The following PSMG4 variants were observed in gnomAD, a reference collection of about 807,000 sequenced individuals.
The protein encoded by PSMG4 is proteasome (prosome, macropain) assembly chaperone 4.
A neutral mutation model predicts 11.0 loss-of-function variants in PSMG4; 10 were observed. The observed-to-expected ratio is 0.91, with a 90% CI of 0.56 to 1.54. The LOEUF is 1.54. Among genes scored for constraint, PSMG4 ranks in the 40% most tolerant of loss-of-function variants. The pLI is 0.00. For synonymous variants in PSMG4, 95 were observed against 71.3 expected, an observed-to-expected ratio of 1.33 and a Z score of -1.68; for missense variants, 198 against 160.9, an observed-to-expected ratio of 1.23 and a Z score of -1.25.
upstream of PSMG4, chr6:3,255,289 G>A (rs148461888): frequency 3.0e-5 from 46 of 1,532,370 alleles, no homozygotes; most frequent in Non-Finnish European, 3.9e-5. Context: ...GTCTATCGGT[G>A]CCCATCCTGG....
chr6:3,258,267 A>G (rs1485850189), upstream of PSMG4, among the ~76,000 whole-genome samples: 1 of 152,216 alleles, frequency 6.6e-6, no homozygotes, highest in Non-Finnish European at 1.5e-5. Context: ...TGCATTTTGC[A>G]GATGAGGAAA....
At chr6:3,262,021 C>T (rs1758010052) in intron 1 of PSMG4, among the ~76,000 whole-genome samples, 1 of 152,208 alleles carries the variant, frequency 6.6e-6, no homozygotes, top group Non-Finnish European at 1.5e-5. Flanking sequence ...AGAGAACAGA[C>T]ACCATGCAAC....
upstream of PSMG4, among the ~76,000 whole-genome samples, chr6:3,257,531 T>A (rs1757806988): frequency 2.0e-5 from 3 of 152,138 alleles, no homozygotes; most frequent in Admixed American, 2.0e-4. Flanking sequence ...GATAAAACAA[T>A]TATGGTGTAG....
upstream of PSMG4, among the ~76,000 whole-genome samples, chr6:3,255,583 A>G (rs1419771087): frequency 2.0e-5 from 3 of 152,206 alleles, no homozygotes; most frequent in Non-Finnish European, 4.4e-5. Context: ...ATGGTTACCC[A>G]GACCCACTGC....
chr6:3,258,874 C>A, upstream of PSMG4: 1 of 753,538 alleles, frequency 1.3e-6, no homozygotes, highest in Non-Finnish European at 1.8e-6. Flanking sequence ...CGGGATCGCC[C>A]CTCCCCGACC....
At chr6:3,257,021 G>A (rs1051775469), upstream of PSMG4, among the ~76,000 whole-genome samples, 4 of 152,198 alleles carry the variant, frequency 2.6e-5, no homozygotes, top group Non-Finnish European at 4.4e-5. Context: ...TTCTGTACAA[G>A]GAGGGACATC....
chr6:3,264,187 C>T (rs1308462375), intron 2 of PSMG4: 1 of 1,551,220 alleles, frequency 6.4e-7, no homozygotes, highest in Non-Finnish European at 8.7e-7. Context: ...GGACTGTCCT[C>T]ACTCAGTGTG....
upstream of PSMG4, among the ~76,000 whole-genome samples, chr6:3,258,073 GTTTTC>G (rs10589662): frequency 0.68 from 103,641 of 151,824 alleles, 38,613 homozygotes; most frequent in Non-Finnish European, 0.83. Context: ...AAAATGGGCT[GTTTTC>G]TTTTACCACC....
At chr6:3,255,558 T>C (rs1422430494), upstream of PSMG4, among the ~76,000 whole-genome samples, 1 of 152,180 alleles carries the variant, frequency 6.6e-6, no homozygotes, top group Non-Finnish European at 1.5e-5. Flanking sequence ...TGGGCTGCTG[T>C]TCTGTTTACA....
At chr6:3,257,775 C>T (rs1043884954), upstream of PSMG4, among the ~76,000 whole-genome samples, 8 of 152,170 alleles carry the variant, frequency 5.3e-5, no homozygotes, top group African/African-American at 1.9e-4. Context: ...TGGACGCGTT[C>T]ACTTTGTGGA....
chr6:3,263,643 G>T (rs765499056), intron 1 of PSMG4, 41 bp from the exon 2 acceptor site: 33 of 1,474,578 alleles, frequency 2.2e-5, no homozygotes, highest in South Asian at 1.2e-4. Flanking sequence ...TGGCCTGCGG[G>T]GGGTGGAGAA....
intron 1 of PSMG4, among the ~76,000 whole-genome samples, chr6:3,261,360 C>T (rs969695840): frequency 6.6e-6 from 1 of 152,122 alleles, no homozygotes; most frequent in East Asian, 1.9e-4. Flanking sequence ...CGCATTCTCT[C>T]TTTATCCCAA....
At chr6:3,255,047 A>G (rs1272177733), upstream of PSMG4, 10 of 1,550,408 alleles carry the variant, frequency 6.4e-6, no homozygotes, top group African/African-American at 6.8e-5. Flanking sequence ...GATTCTCTGG[A>G]CAGGAACAAA....
At chr6:3,254,645 C>T (rs537212986), upstream of PSMG4, among the ~76,000 whole-genome samples, 28 of 152,198 alleles carry the variant, frequency 1.8e-4, no homozygotes, top group South Asian at 1.0e-3. Flanking sequence ...ATTGTGAAGG[C>T]CTACAGCTTT....
upstream of PSMG4, among the ~76,000 whole-genome samples, chr6:3,255,398 C>A (rs1451527136): frequency 6.6e-6 from 1 of 152,192 alleles, no homozygotes; most frequent in African/African-American, 2.4e-5. Context: ...GATAACATGA[C>A]AAGGATTTTC....
upstream of PSMG4, among the ~76,000 whole-genome samples, chr6:3,255,595 T>C (rs1757735645): frequency 6.6e-6 from 1 of 152,186 alleles, no homozygotes; most frequent in South Asian, 2.1e-4. Flanking sequence ...ACCCACTGCC[T>C]GAGTGAGGCA....
At chr6:3,259,293 A>G (rs1757877879) in intron 1 of PSMG4, 97 bp downstream of exon 1, 6 of 1,110,852 alleles carry the variant, frequency 5.4e-6, no homozygotes, top group African/African-American at 1.6e-5. Context: ...TCTTGGGTCC[A>G]CAGGGCGCCC....
chr6:3,256,866 T>C (rs947516011), upstream of PSMG4, among the ~76,000 whole-genome samples: 5 of 151,906 alleles, frequency 3.3e-5, no homozygotes, highest in Non-Finnish European at 5.9e-5. Flanking sequence ...TGGCAGAAGG[T>C]AGGATTTGTA....
chr6:3,257,219 A>AG (rs1757795202), upstream of PSMG4, among the ~76,000 whole-genome samples: 1 of 152,154 alleles, frequency 6.6e-6, no homozygotes, highest in Non-Finnish European at 1.5e-5. Context: ...AGCATAGTCA[A>AG]GGGGAGTGAG....
Sources: gnomAD v4.1 joint callset for allele counts (sites outside exome capture counted in the v4.1 genomes callset) on GRCh38, gnomAD v4.1.1 for gene constraint, MANE v1.5 for transcripts, NCBI Gene and HGNC (gene_info 2026-07-23, HGNC 2026-07-21) for gene names.